The following PADI6 variants were observed in gnomAD, a reference collection of about 807,000 sequenced individuals.
PADI6 encodes the protein peptidyl arginine deiminase 6.
PADI6 carries 66 observed loss-of-function variants against 78.2 expected under a neutral mutation model. That is an observed-to-expected ratio of 0.84 (90% CI 0.69 to 1.04). The LOEUF (loss-of-function observed/expected upper bound fraction) is 1.04. Among genes scored for constraint, PADI6 ranks in the 50% least tolerant of loss-of-function variants. The pLI is 0.00. For missense variants in PADI6, 854 were observed against 866.1 expected (o/e 0.99, Z 0.18); for synonymous variants, 397 against 346.9 (o/e 1.14, Z -1.60).
chr1:17,398,934 G>GCA, intron 15 of PADI6, 87 bp downstream of exon 15: 1 of 1,412,034 alleles, frequency 7.1e-7, no homozygotes, highest in Non-Finnish European at 9.8e-7. Flanking sequence ...CTGCAGATAT[G>GCA]GTGGACAGCA....
chr1:17,393,016 C>T (rs888982004), intron 9 of PADI6, among the ~76,000 whole-genome samples: 1 of 152,062 alleles, frequency 6.6e-6, no homozygotes, highest in Non-Finnish European at 1.5e-5. Context: ...CATGGTGGCG[C>T]GCGCCTGTAG....
In PADI6 at chr1:17,381,100, C is replaced by T; in HGVS notation, c.489C>T (p.Cys163=). The T allele has an allele frequency of 2.5e-6, 4 of 1,609,900 alleles. No homozygotes were observed. Among genetic ancestry groups the T allele is most frequent in the Non-Finnish European group, 2.5e-6 (3 of 1,178,252 alleles). Residue 163 remains cysteine, a synonymous_variant, in exon 5 of 16, where the codon TGC becomes TGT. Transcript: ENST00000619609. ...GGGGTGCCATCCTGCTTGTGAATTGCAACCCTGCTGATGTGGGCCAGCAAC... is the reference window on the plus strand; with the variant it reads ...GGGGTGCCATCCTGCTTGTGAATTGTAACCCTGCTGATGTGGGCCAGCAAC... ...SGWGAILLVN[C]NPADVGQQLE... is the part of the protein sequence containing the mutation.
chr1:17,386,254 A>T (rs1389974705), intron 6 of PADI6, among the ~76,000 whole-genome samples: 2 of 152,190 alleles, frequency 1.3e-5, no homozygotes, highest in Non-Finnish European at 2.9e-5. Flanking sequence ...TGAGCCTGAA[A>T]CACCTACCAC....
intron 4 of PADI6, 57 bp from the exon 5 acceptor site, chr1:17,380,990 A>AT: frequency 6.9e-7 from 1 of 1,450,866 alleles, no homozygotes; most frequent in Non-Finnish European, 9.4e-7. Context: ...GGTGCATCCG[A>AT]GAAACAGAAG....
At chr1:17,374,332 C>A (rs1348164255) in intron 2 of PADI6, among the ~76,000 whole-genome samples, 2 of 151,884 alleles carry the variant, frequency 1.3e-5, no homozygotes, top group East Asian at 3.9e-4. Context: ...TAGGTAGGAA[C>A]TGAGTGTCTC....
rs749772388 is a variant in PADI6, at chr1:17,401,291, G to T, written c.1938G>T (p.Lys646Asn). ...QIKGTCCLEE[K>N]ICCLLEPLGF... ...AGGGGACCTGCTGCCTGGAAGAAAAGATTTGCTGCTTGCTGGAGCCCCTGG... is the reference window on the plus strand; with the variant it reads ...AGGGGACCTGCTGCCTGGAAGAAAATATTTGCTGCTTGCTGGAGCCCCTGG... The change falls in exon 16 of 16, where the codon AAG becomes AAT. Residue 646 changes from lysine (K) to asparagine (N), a missense_variant. By Grantham distance (94) the Lys-to-Asn change is moderately conservative. Coordinates refer to ENST00000619609, the MANE Select transcript of PADI6 (RefSeq NM_207421.4). The T allele has an allele frequency of 5.6e-6, 9 of 1,613,976 alleles. No homozygotes were observed. The highest frequency in any genetic ancestry group is 1.3e-5 in the African/African-American group (1 of 74,954).
chr1:17,374,586 A>C (rs548901504), intron 2 of PADI6, among the ~76,000 whole-genome samples: 2 of 152,260 alleles, frequency 1.3e-5, no homozygotes, highest in African/African-American at 4.8e-5. Context: ...AGATTGTCCC[A>C]CTGCATTACA....
chr1:17,385,527 T>C (rs1380388918), intron 6 of PADI6, among the ~76,000 whole-genome samples: 1 of 152,110 alleles, frequency 6.6e-6, no homozygotes, highest in Non-Finnish European at 1.5e-5. Context: ...CGGAAGGCAT[T>C]GTCTGCCTTG....
At position 17,377,494 on chromosome 1, in the gene PADI6, G is replaced by A. The variant is rs556663391; in HGVS notation, c.367+1995G>A. ...ATGGGCAGGCTGCTCCCACAAACCC[G>A]ACTTGGATATTGCCTACCCAGCATG... On this transcript the variant is annotated intron_variant, in intron 3 of 15. Coordinates refer to ENST00000619609, the MANE Select transcript of PADI6 (RefSeq NM_207421.4). Among the ~76,000 whole-genome samples the A allele has an allele frequency of 9.2e-5, 14 of 152,236 alleles. No individual in the cohort carries two copies. The South Asian group carries it at 2.1e-3, about 23-fold the overall frequency.
At position 17,391,510 on chromosome 1, in the gene PADI6, G is replaced by A. The variant is rs182829984; in HGVS notation, c.963-604G>A. ...GCTGGGATTACAGGCGTGCGCCACT[G>A]CGTCCGGCCAGATGAGTGGTCTTAA... On this transcript the variant is annotated intron_variant, in intron 8 of 15. Coordinates refer to ENST00000619609, the MANE Select transcript of PADI6 (RefSeq NM_207421.4). Among the ~76,000 whole-genome samples the A allele has an allele frequency of 6.7e-3, 1,014 of 152,304 alleles. 21 individuals are homozygous for A. The highest frequency in any genetic ancestry group is 0.022 in the African/African-American group (922 of 41,558).
intron 2 of PADI6, among the ~76,000 whole-genome samples, chr1:17,373,524 G>A (rs1054288194): frequency 2.8e-5 from 4 of 145,338 alleles, no homozygotes; most frequent in Non-Finnish European, 4.5e-5. Flanking sequence ...TGAGTCTCAC[G>A]CTCATTGCCC....
At chr1:17,392,700 TA>T (rs1482268288) in intron 9 of PADI6, among the ~76,000 whole-genome samples, 1 of 152,218 alleles carries the variant, frequency 6.6e-6, no homozygotes, top group Non-Finnish European at 1.5e-5. Flanking sequence ...TTAGCAAGGA[TA>T]GAACTTTTAA....
At chr1:17,389,723 C>T (rs2075162687) in intron 8 of PADI6, among the ~76,000 whole-genome samples, 1 of 152,188 alleles carries the variant, frequency 6.6e-6, no homozygotes, top group South Asian at 2.1e-4. Flanking sequence ...GTTCTGTCTG[C>T]ATGATCACTC....
intron 6 of PADI6, among the ~76,000 whole-genome samples, chr1:17,387,690 A>G (rs79048573): frequency 0.014 from 2,107 of 152,256 alleles, 52 homozygotes; most frequent in African/African-American, 0.047. Context: ...GGCAAAGCTT[A>G]CAGTGAGCTG....
rs771882345 is a variant in PADI6, at chr1:17,395,697, G to T, written c.1618+34G>T. 2.1e-5 allele frequency: 34 copies of T among 1,581,474 alleles called. 1 individual carries two copies. The South Asian group carries it at 3.8e-4, about 18-fold the overall frequency. On this transcript the variant is annotated intron_variant, in intron 13 of 15. Transcript: ENST00000619609. ...ACTCCCTTTCCACAGAACAGAACTG[G>T]GGTCTTCCTTTTTCCAGGGGTCCTT...
chr1:17,375,447 G>A lies in PADI6; in HGVS notation c.315G>A (p.Gly105=), dbSNP rs1403260449. 6.2e-7 allele frequency: 1 copy of A among 1,611,558 alleles called. No homozygotes were observed. The highest frequency in any genetic ancestry group is 8.5e-7 in the Non-Finnish European group (1 of 1,178,996). Residue 105 remains glycine (G), a synonymous_variant, in exon 3 of 16, where the codon GGG becomes GGA. Coordinates refer to ENST00000619609, the MANE Select transcript of PADI6 (RefSeq NM_207421.4). ...DADKVSVTYY[G]PNEDAPVGTA... ...CACAGGTCTCGGTCACATACTATGG[G>A]CCCAACGAGGATGCCCCCGTGGGCA...
chr1:17,374,660 C>T (rs866968113), intron 2 of PADI6, among the ~76,000 whole-genome samples: 5 of 152,200 alleles, frequency 3.3e-5, no homozygotes, highest in Middle Eastern at 3.4e-3. Flanking sequence ...ATGGAGGCCA[C>T]GGTGGGTGCC....
intron 9 of PADI6, 96 bp from the exon 10 acceptor site, chr1:17,393,879 G>A: frequency 9.4e-7 from 1 of 1,065,974 alleles, no homozygotes; most frequent in South Asian, 1.3e-5. Context: ...AGCAGGAGTT[G>A]GCAGGAAGGA....
Position 17,394,438 on chromosome 1 carries a change from A to G in PADI6, c.1321A>G (p.Ser441Gly), listed in dbSNP as rs2075224717. Residue 441 changes from serine to glycine, a missense_variant, in exon 11 of 16, where the codon AGC becomes GGC. Transcript: ENST00000619609. Reference protein sequence around the residue: ...EYPLGRVLIGSSFYPSAEGRA... With the variant: ...EYPLGRVLIGGSFYPSAEGRA... ...CCCGCTGGGCAGAGTCCTCATTGGC[A>G]GCAGCTTTTACCCCAGGTGAGCCAC... 1 of 1,613,114 alleles carries G rather than the reference A, an allele frequency of 6.2e-7. No homozygotes were observed. The highest frequency in any genetic ancestry group is 1.3e-5 in the African/African-American group (1 of 74,904).
Sources: gnomAD v4.1 joint callset for allele counts (sites outside exome capture counted in the v4.1 genomes callset) on GRCh38, gnomAD v4.1.1 for gene constraint, MANE v1.5 for transcripts, NCBI Gene and HGNC (gene_info 2026-07-23, HGNC 2026-07-21) for gene names.